Variants in HDGF observed in about 807,000 individuals in gnomAD.
HDGF encodes the protein hepatoma-derived growth factor.
In HDGF, 5 loss-of-function variants were observed where a neutral mutation model predicts 30.0. That is an observed-to-expected ratio of 0.17 (90% CI 0.09 to 0.35). The LOEUF (loss-of-function observed/expected upper bound fraction) is 0.35. HDGF is among the 10% of genes least tolerant of loss of function. The pLI is 1.00. For synonymous variants in HDGF, 133 were observed against 112.7 expected (o/e 1.18, Z -1.14); for missense variants, 214 against 302.8 (o/e 0.71, Z 2.18).
At chr1:156,762,752 A>G (rs184661737) in intron 1 of HDGF, among the ~76,000 whole-genome samples, 1 of 152,060 alleles carries the variant, frequency 6.6e-6, no homozygotes, top group Admixed American at 6.6e-5. Context: ...CATGCCTGTA[A>G]TCCCAGCTAC....
Position 156,745,150 on chromosome 1 carries a change from G to A in HDGF, c.165-4C>T. ...GTCTTTGGGGCCCAGGAATGCCCTGGTGAGAGATGGGAGACTGTGCTCTCA... is the reference window on the plus strand; with the variant it reads ...GTCTTTGGGGCCCAGGAATGCCCTGATGAGAGATGGGAGACTGTGCTCTCA... On this transcript the variant is annotated splice_polypyrimidine_tract_variant and splice_region_variant and intron_variant, in intron 2 of 5. Coordinates refer to ENST00000357325, the MANE Select transcript of HDGF (RefSeq NM_004494.3). 1.2e-6 allele frequency: 2 copies of A among 1,613,872 alleles called. No individual in the cohort carries two copies. Among genetic ancestry groups the A allele is most frequent in the Non-Finnish European group, 1.7e-6 (2 of 1,179,934 alleles).
intron 1 of HDGF, among the ~76,000 whole-genome samples, chr1:156,746,644 G>C (rs1348253223): frequency 6.6e-6 from 1 of 152,192 alleles, no homozygotes; most frequent in Non-Finnish European, 1.5e-5. Flanking sequence ...CAGAGGCAGT[G>C]GCCTCGCCAG....
intron 4 of HDGF, 98 bp downstream of exon 4, chr1:156,744,065 C>A: frequency 7.6e-7 from 1 of 1,313,190 alleles, no homozygotes; most frequent in Non-Finnish European, 1.1e-6. Flanking sequence ...CTGGATCGAC[C>A]TCTCAGACTG....
chr1:156,745,181 C>T (rs1650439190), intron 2 of HDGF, 35 bp from the exon 3 acceptor site: 1 of 1,613,688 alleles, frequency 6.2e-7, no homozygotes, highest in Non-Finnish European at 8.5e-7. Flanking sequence ...TCTCAAGCCC[C>T]TCACTGCCCC....
At chr1:156,758,608 T>TAAAAAA (rs1553251126) in intron 2 of HDGF, among the ~76,000 whole-genome samples, 12,190 of 91,948 alleles carry the variant, frequency 0.13, 1,896 homozygotes, top group African/African-American at 0.23. Context: ...AAAAAATAAA[T>TAAAAAA]AAATAAATAA....
chr1:156,753,875 GT>G (rs1324131483), upstream of HDGF, among the ~76,000 whole-genome samples: 1 of 151,860 alleles, frequency 6.6e-6, no homozygotes, highest in African/African-American at 2.4e-5. Flanking sequence ...AACATGCACA[GT>G]TTCAGTGCAA....
At chr1:156,760,411 T>C (rs1490262764) in intron 1 of HDGF, among the ~76,000 whole-genome samples, 1 of 152,162 alleles carries the variant, frequency 6.6e-6, no homozygotes, top group African/African-American at 2.4e-5. Context: ...AGGGTAGAGG[T>C]AGCCTCCCCA....
chr1:156,764,887 A>C (rs76736502), intron 1 of HDGF, among the ~76,000 whole-genome samples: 3 of 132,656 alleles, frequency 2.3e-5, no homozygotes, highest in Admixed American at 2.2e-4. Flanking sequence ...CTCTATCTCC[A>C]AAAAAAAAAA....
Position 156,742,601 on chromosome 1 carries a change from T to C in HDGF, c.*848A>G, listed in dbSNP as rs1403719359. ...TTTTCCTTTATGTCTGGGTGATATA[T>C]ATGACTATAAGCTGGCCTTGAGCAC... On this transcript the variant is annotated 3_prime_UTR_variant, in exon 6 of 6. Coordinates refer to ENST00000357325, the MANE Select transcript of HDGF (RefSeq NM_004494.3). 1 of 152,862 alleles carries C rather than the reference T, an allele frequency of 6.5e-6. No homozygotes were observed. Among genetic ancestry groups the C allele is most frequent in the Non-Finnish European group, 1.5e-5 (1 of 68,202 alleles). The allele number at this position is 152,862 out of a possible 1,614,324, so 9.5% of individuals were successfully genotyped here. A position where few individuals can be genotyped will look rare whatever the true frequency, so the allele number is the denominator to read the frequency against.
At chr1:156,756,734 C>G (rs972344799), upstream of HDGF, among the ~76,000 whole-genome samples, 1 of 150,664 alleles carries the variant, frequency 6.6e-6, no homozygotes, top group African/African-American at 2.4e-5. Context: ...CCTATGTTTT[C>G]TAACTCCTCT....
At chr1:156,756,598 C>T (rs1651156935), upstream of HDGF, among the ~76,000 whole-genome samples, 1 of 152,026 alleles carries the variant, frequency 6.6e-6, no homozygotes, top group South Asian at 2.1e-4. Flanking sequence ...GTTGATAAAC[C>T]AGTTAATATA....
chr1:156,760,580 T>C (rs1281188963), intron 1 of HDGF, among the ~76,000 whole-genome samples: 1 of 152,264 alleles, frequency 6.6e-6, no homozygotes, highest in South Asian at 2.1e-4. Context: ...CTCTCACATA[T>C]ATTCCTTGGG....
upstream of HDGF, among the ~76,000 whole-genome samples, chr1:156,754,701 C>T (rs7545504): frequency 0.98 from 148,524 of 152,244 alleles, 72,554 homozygotes; most frequent in East Asian, 1. Context: ...CCCAGCACTT[C>T]GGGAGGCCGA....
In HDGF at chr1:156,751,532, G is replaced by T. The variant is rs1274793431; in HGVS notation, c.-103C>A. ...CGCCGCTCCGCTCCGGCCCTCGCGC[G>T]GCCCCCGCCTCGATGGTGGCCCCCG... On this transcript the variant is annotated 5_prime_UTR_variant, in exon 1 of 6. Transcript: ENST00000357325. This position sits in a 1 kb window ranked among gnomAD's most constrained non-coding sequence, Gnocchi z 4.7. 1 of 1,038,002 alleles carries T rather than the reference G, an allele frequency of 9.6e-7. No homozygotes were observed. The highest frequency in any genetic ancestry group is 1.2e-6 in the Non-Finnish European group (1 of 861,784). The allele number at this position is 1,038,002 out of a possible 1,614,324, so 64.3% of individuals were successfully genotyped here.
chr1:156,744,046 G>C, intron 4 of HDGF, 117 bp downstream of exon 4: 1 of 1,177,892 alleles, frequency 8.5e-7, no homozygotes, highest in African/African-American at 1.5e-5. Context: ...GACTCCCCAA[G>C]ACTAGGGGCT....
intron 2 of HDGF, among the ~76,000 whole-genome samples, chr1:156,758,782 A>G (rs1651197016): frequency 6.6e-6 from 1 of 152,136 alleles, no homozygotes; most frequent in Non-Finnish European, 1.5e-5. Context: ...CCATCTCAAC[A>G]ACAACAACAA....
intron 1 of HDGF, chr1:156,759,365 TAAC>T: frequency 1.3e-5 from 2 of 152,314 alleles, no homozygotes; most frequent in South Asian, 2.1e-4. Context: ...AATGCAGAGA[TAAC>T]TATTTCCTTT....
intron 1 of HDGF, among the ~76,000 whole-genome samples, chr1:156,763,216 T>TC (rs905419981): frequency 4.1e-5 from 6 of 145,246 alleles, no homozygotes; most frequent in South Asian, 2.2e-4. Flanking sequence ...ATTCTCTCTC[T>TC]TTTTTTTTTT....
At chr1:156,748,098 T>C (rs934540236) in intron 1 of HDGF, among the ~76,000 whole-genome samples, 1 of 152,116 alleles carries the variant, frequency 6.6e-6, no homozygotes, top group Non-Finnish European at 1.5e-5. Context: ...CCTGAGCAGA[T>C]AGGCATCTCC....
Sources: allele counts gnomAD v4.1 joint callset (sites outside exome capture counted in the v4.1 genomes callset), GRCh38; gene constraint gnomAD v4.1.1; non-coding constraint Gnocchi (gnomAD v3.1); transcripts MANE v1.5; gene names NCBI Gene and HGNC (gene_info 2026-07-23, HGNC 2026-07-21).